VPS13B: variants seen among roughly 807,000 people sequenced by gnomAD.
The protein encoded by VPS13B is vacuolar protein sorting 13 homolog B.
Under a neutral mutation model 426.4 loss-of-function variants are expected in VPS13B, and 285 were observed. The ratio of observed to expected loss-of-function variants is 0.67; its 90% confidence interval spans 0.61 to 0.74. VPS13B has a LOEUF of 0.74. Ranked by LOEUF, VPS13B falls within the 30% of genes least tolerant of loss-of-function variation. The pLI is 0.00. For synonymous variants in VPS13B, 1,676 were observed against 1,676.4 expected, an observed-to-expected ratio of 1.00 and a Z score of 0.01; for missense variants, 4,537 against 4,782.6, an observed-to-expected ratio of 0.95 and a Z score of 1.51.
intron 33 of VPS13B, among the ~76,000 whole-genome samples, chr8:99,618,096 T>C (rs1828181300): frequency 6.6e-6 from 1 of 152,120 alleles, no homozygotes; most frequent in Non-Finnish European, 1.5e-5. Context: ...AGTACCATGC[T>C]CCAAACAACT....
chr8:99,629,416 A>G (rs1036747812), intron 33 of VPS13B, among the ~76,000 whole-genome samples: 2 of 152,234 alleles, frequency 1.3e-5, no homozygotes, highest in African/African-American at 2.4e-5. Context: ...GGACTCAAGA[A>G]GCTTACAATA....
rs1258984174 is a variant in VPS13B at position 99,192,976 on chromosome 8, T to C, written c.2434T>C (p.Tyr812His). ...ACAGACACTTCTCTTGCAAGCAATA[T>C]ATCAAAGTTGGTCTCATCTTGGAAA... ...RAQTLLLQAI[Y>H]QSWSHLGNVS... Residue 812 changes from tyrosine to histidine, a missense_variant, in exon 17 of 62, where the codon TAT becomes CAT. By Grantham distance (83) the Tyr-to-His change is moderately conservative (BLOSUM62 2). Around this residue, in one of 2 missense-constraint regions of VPS13B, gnomAD observed 4,311 missense variants for 4,474.3 expected, o/e 0.96. Transcript: ENST00000357162. The C allele has an allele frequency of 1.2e-6, 2 of 1,613,606 alleles. No homozygotes were observed. The highest frequency in any genetic ancestry group is 2.7e-5 in the African/African-American group (2 of 74,908).
At chr8:99,834,780 G>A (rs1815289481) in intron 52 of VPS13B, among the ~76,000 whole-genome samples, 1 of 152,136 alleles carries the variant, frequency 6.6e-6, no homozygotes, top group Non-Finnish European at 1.5e-5. Context: ...GGCTGGGCTT[G>A]AACTCCTGGG....
intron 33 of VPS13B, among the ~76,000 whole-genome samples, chr8:99,601,584 C>T (rs1827302116): frequency 6.6e-6 from 1 of 152,162 alleles, no homozygotes; most frequent in Non-Finnish European, 1.5e-5. Context: ...CACTGTCTTC[C>T]ACAATGGTTG....
intron 17 of VPS13B, among the ~76,000 whole-genome samples, chr8:99,203,515 T>G (rs1168806445): frequency 6.6e-6 from 1 of 152,122 alleles, no homozygotes; most frequent in Non-Finnish European, 1.5e-5. Flanking sequence ...CTGGCCAGGA[T>G]AATCAGGCAA....
At chr8:99,265,830 C>T (rs998289728) in intron 17 of VPS13B, among the ~76,000 whole-genome samples, 5 of 152,184 alleles carry the variant, frequency 3.3e-5, no homozygotes, top group African/African-American at 1.2e-4. Context: ...CTCTGTTCTA[C>T]TAAGGCTACT....
intron 17 of VPS13B, among the ~76,000 whole-genome samples, chr8:99,244,060 C>T (rs1817074695): frequency 6.6e-6 from 1 of 152,176 alleles, no homozygotes; most frequent in African/African-American, 2.4e-5. Flanking sequence ...GGGATTTCTC[C>T]AACTGCAAAT....
intron 39 of VPS13B, among the ~76,000 whole-genome samples, chr8:99,741,368 A>G (rs1320299539): frequency 1.3e-5 from 2 of 152,336 alleles, no homozygotes; most frequent in South Asian, 4.1e-4. Flanking sequence ...CCCACACAAT[A>G]GTAATGGGAG....
chr8:99,053,526 TTC>T (rs1843674742), intron 3 of VPS13B, among the ~76,000 whole-genome samples: 1 of 152,154 alleles, frequency 6.6e-6, no homozygotes, highest in African/African-American at 2.4e-5. Flanking sequence ...CTATTATACT[TTC>T]TGTTTCTATG....
chr8:99,616,167 AC>A (rs1828076861), intron 33 of VPS13B, among the ~76,000 whole-genome samples: 1 of 152,148 alleles, frequency 6.6e-6, no homozygotes, highest in South Asian at 2.1e-4. Flanking sequence ...TTTGGACTTT[AC>A]CATTTTGGCA....
chr8:99,320,224 G>A (rs1006813980), intron 19 of VPS13B, among the ~76,000 whole-genome samples: 7 of 152,064 alleles, frequency 4.6e-5, no homozygotes, highest in Non-Finnish European at 7.4e-5. Context: ...ATAAAGGTCC[G>A]CCTTAATAAG....
At chr8:99,142,836 G>A (rs999435987) in intron 12 of VPS13B, 138 bp from the exon 13 acceptor site, 1 of 749,970 alleles carries the variant, frequency 1.3e-6, no homozygotes, top group African/African-American at 1.8e-5. Flanking sequence ...AATCAGCAGG[G>A]CTCTCTGTAT....
intron 3 of VPS13B, among the ~76,000 whole-genome samples, chr8:99,050,878 G>A (rs988467152): frequency 2.6e-5 from 4 of 151,860 alleles, no homozygotes; most frequent in African/African-American, 9.7e-5. Context: ...TTTTGATGGG[G>A]TTGTTTTTTT....
chr8:99,404,597 T>G (rs1221099558), intron 21 of VPS13B, among the ~76,000 whole-genome samples: 1 of 151,974 alleles, frequency 6.6e-6, no homozygotes, highest in Non-Finnish European at 1.5e-5. Context: ...ATTGTCTAAC[T>G]TGTAGAAATT....
At chr8:99,257,109 A>T (rs1057462736) in intron 17 of VPS13B, among the ~76,000 whole-genome samples, 1 of 152,192 alleles carries the variant, frequency 6.6e-6, no homozygotes, top group African/African-American at 2.4e-5. Context: ...GATCATGCTT[A>T]GGTGCAGACA....
intron 54 of VPS13B, 100 bp from the exon 55 acceptor site, chr8:99,848,676 G>T (rs1816106122): frequency 9.5e-7 from 1 of 1,053,974 alleles, no homozygotes; most frequent in Non-Finnish European, 1.5e-6. Context: ...ACCAGGAATT[G>T]TTTGTGGTAT....
chr8:99,297,308 T>G (rs1400584804), intron 19 of VPS13B, among the ~76,000 whole-genome samples: 2 of 152,192 alleles, frequency 1.3e-5, no homozygotes, highest in Non-Finnish European at 2.9e-5. Context: ...GGTTTTTCAC[T>G]AGCTGTTAGA....
chr8:99,358,348 A>G (rs559277367), intron 19 of VPS13B, among the ~76,000 whole-genome samples: 2 of 152,296 alleles, frequency 1.3e-5, no homozygotes, highest in East Asian at 3.9e-4. Context: ...ATTTAATTAT[A>G]ATTTGTACCA....
At chr8:99,691,291 G>A (rs548473956) in intron 35 of VPS13B, among the ~76,000 whole-genome samples, 6 of 151,394 alleles carry the variant, frequency 4.0e-5, no homozygotes, top group Non-Finnish European at 8.8e-5. Context: ...TGATGTTCTG[G>A]GATTAGACAG....
Sources: gnomAD v4.1 joint callset for allele counts (sites outside exome capture counted in the v4.1 genomes callset) on GRCh38, gnomAD v4.1.1 for gene constraint, gnomAD v4.1.1 regional missense constraint, MANE v1.5 for transcripts, NCBI Gene and HGNC (gene_info 2026-07-23, HGNC 2026-07-21) for gene names.